RUSC2: variants seen among roughly 807,000 people sequenced by gnomAD.
RUSC2 encodes the protein AP-4 complex accessory subunit RUSC2.
In RUSC2, 34 loss-of-function variants were observed where a neutral mutation model predicts 122.2. The ratio of observed to expected loss-of-function variants is 0.28; its 90% CI spans 0.21 to 0.37. RUSC2 has a LOEUF of 0.37. RUSC2 is among the 10% of genes least tolerant of loss of function. RUSC2 has a pLI of 1.00. For missense variants in RUSC2, 1,747 were observed against 1,952.4 expected (o/e 0.89, Z 1.98); for synonymous variants, 784 against 790.0 (o/e 0.99, Z 0.13).
chr9:35,560,801 A>C lies in RUSC2; in HGVS notation c.4161A>C (p.Gly1387=). The C allele has an allele frequency of 6.5e-7, 1 of 1,529,442 alleles. No homozygotes were observed. Among genetic ancestry groups the C allele is most frequent in the South Asian group, 1.3e-5 (1 of 76,156 alleles). The allele number at this position is 1,529,442 out of a possible 1,614,324, so 94.7% of individuals were successfully genotyped here. ...CTTCACCTGGAGGCATCAAGTGGGG[A>C]CACCTCTTTGGCTCCCGAAAAGCCC... The part of the protein sequence containing the change: ...SEPSPGGIKW[G]HLFGSRKAQR... The change falls in exon 10 of 12, where the codon GGA becomes GGC. Residue 1387 remains glycine (G), a synonymous_variant. Coordinates refer to ENST00000361226, the MANE Select transcript of RUSC2 (RefSeq NM_014806.5).
At position 35,561,340 on chromosome 9, in the gene RUSC2, GACCCCAACTCCA is replaced by G. The variant is rs1297865925; in HGVS notation, c.4511_4522del (p.Thr1504_Pro1507del). ...TGGTGCCCCTGGCCTACGTGACATT[GACCCCAACTCCA>G]AGTCCAACCCCTGGAAGCAGCCAAA... On this transcript the variant is annotated inframe_deletion, in exon 12 of 12. Transcript: ENST00000361226. 3.1e-6 allele frequency: 5 copies of G among 1,614,026 alleles called. No homozygotes were observed. Among genetic ancestry groups the G allele is most frequent in the Non-Finnish European group, 4.2e-6 (5 of 1,179,974 alleles).
chr9:35,524,926 G>A (rs550574650), intron 1 of RUSC2, among the ~76,000 whole-genome samples: 10 of 150,628 alleles, frequency 6.6e-5, no homozygotes, highest in South Asian at 2.1e-4. Flanking sequence ...AGCCAAGATC[G>A]CACCACTGCA....
chr9:35,555,763 C>T lies in RUSC2; in HGVS notation c.2656+62C>T, dbSNP rs1212097628. 2.0e-6 allele frequency: 3 copies of T among 1,525,370 alleles called. No individual in the cohort carries two copies. Among genetic ancestry groups the T allele is most frequent in the Non-Finnish European group, 2.6e-6 (3 of 1,142,130 alleles). The allele number at this position is 1,525,370 out of a possible 1,614,324, so 94.5% of individuals were successfully genotyped here. On this transcript the variant is annotated intron_variant, in intron 3 of 11. Transcript: ENST00000361226. This position sits in a 1 kb window ranked among gnomAD's most constrained non-coding sequence, Gnocchi z 4.6. ...CTCACGCAAGCACTTCCACCACCTC[C>T]CCTTTGAGTGGTTGCTTACACTCTC... is the stretch of plus-strand genomic sequence containing the variant.
In RUSC2 at chr9:35,546,712, C is replaced by T; in HGVS notation, c.191C>T (p.Ser64Phe). Residue 64 changes from serine (S) to phenylalanine (F), a missense_variant, in exon 2 of 12, where the codon TCC becomes TTC. Transcript: ENST00000361226. The surrounding 1 kb of genome is among the most constrained non-coding windows in gnomAD (Gnocchi z 4.3). ...QPDQDLGQADSLLFSSLHSTP... is the reference protein window; with the variant it reads ...QPDQDLGQADFLLFSSLHSTP... ...GATCAAGACCTAGGACAAGCTGACT[C>T]CCTGCTATTCAGCAGCCTGCACTCT... The T allele has an allele frequency of 6.4e-7, 1 of 1,560,602 alleles. No individual in the cohort carries two copies.
chr9:35,509,160 TC>T (rs1229152152), intron 1 of RUSC2, among the ~76,000 whole-genome samples: 1 of 151,938 alleles, frequency 6.6e-6, no homozygotes, highest in African/African-American at 2.4e-5. Flanking sequence ...CCTCGTCTCT[TC>T]AAAAAAAAAT....
intron 1 of RUSC2, among the ~76,000 whole-genome samples, chr9:35,544,951 C>CA (rs2132548846): frequency 6.6e-6 from 1 of 152,308 alleles, no homozygotes; most frequent in African/African-American, 2.4e-5. Flanking sequence ...ATTAAACACA[C>CA]AAAGGCTTGG....
At chr9:35,528,437 C>T (rs903885879) in intron 1 of RUSC2, among the ~76,000 whole-genome samples, 1 of 150,024 alleles carries the variant, frequency 6.7e-6, no homozygotes, top group African/African-American at 2.5e-5. Context: ...TCATATTTTG[C>T]AGTGAAAGGG....
intron 1 of RUSC2, among the ~76,000 whole-genome samples, chr9:35,495,650 AGGATCCCTTAAGATTCCATAT>A (rs1477920633): frequency 1.3e-5 from 2 of 152,126 alleles, no homozygotes; most frequent in Admixed American, 6.6e-5. Context: ...TTGGTTGTTC[AGGATCCCTTAAGATTCCATAT>A]GAATTTTAGG....
intron 1 of RUSC2, among the ~76,000 whole-genome samples, chr9:35,513,023 C>A (rs747151778): frequency 6.6e-6 from 1 of 152,178 alleles, no homozygotes; most frequent in African/African-American, 2.4e-5. Context: ...GTTATAATGT[C>A]TGGCAGTGAG....
chr9:35,542,349 G>A (rs1035967181), intron 1 of RUSC2, among the ~76,000 whole-genome samples: 1 of 152,146 alleles, frequency 6.6e-6, no homozygotes, highest in Non-Finnish European at 1.5e-5. Context: ...TTTCTTTATG[G>A]TCTTAGGACA....
chr9:35,494,685 C>T lies in RUSC2; in HGVS notation c.-93+4513C>T, dbSNP rs146042301. ...TAAGAGTTTTTTAATACATTTTGGACATTAATCCATCTCAGATGTATGATT... is the reference window on the plus strand; with the variant it reads ...TAAGAGTTTTTTAATACATTTTGGATATTAATCCATCTCAGATGTATGATT... On this transcript the variant is annotated intron_variant, in intron 1 of 11. Coordinates refer to ENST00000361226, the MANE Select transcript of RUSC2 (RefSeq NM_014806.5). Among the ~76,000 whole-genome samples the T allele has an allele frequency of 1.9e-3, 283 of 151,770 alleles. 1 individual carries two copies. The highest frequency in any genetic ancestry group is 6.5e-3 in the African/African-American group (271 of 41,402).
chr9:35,547,523 T>G lies in RUSC2; in HGVS notation c.1002T>G (p.Ser334=), dbSNP rs764354028. The change falls in exon 2 of 12, where the codon TCT becomes TCG. Residue 334 remains serine, a synonymous_variant. Coordinates refer to ENST00000361226, the MANE Select transcript of RUSC2 (RefSeq NM_014806.5). The surrounding 1 kb of genome is among the most constrained non-coding windows in gnomAD (Gnocchi z 4.6). ...CCTCCCCATTTGAGTCTAAGATGTC[T>G]TATGAGTCCCATCACCCTGAAAGTG... ...LQPSPFESKM[S]YESHHPESGG... is the part of the protein sequence containing the mutation. 21 of 1,614,034 alleles carry G rather than the reference T, an allele frequency of 1.3e-5. No individual in the cohort carries two copies. The highest frequency in any genetic ancestry group is 1.8e-5 in the Non-Finnish European group (21 of 1,180,034).
intron 1 of RUSC2, among the ~76,000 whole-genome samples, chr9:35,511,119 T>C (rs1254534648): frequency 6.6e-6 from 1 of 152,198 alleles, no homozygotes; most frequent in Non-Finnish European, 1.5e-5. Context: ...CTGGGTCTTA[T>C]GTAACTTTAT....
chr9:35,539,471 C>G (rs767905493), intron 1 of RUSC2, among the ~76,000 whole-genome samples: 25 of 152,212 alleles, frequency 1.6e-4, no homozygotes, highest in Non-Finnish European at 3.2e-4. Flanking sequence ...GACACCCCTA[C>G]AGCTACTGTA....
chr9:35,546,730 T>A lies in RUSC2; in HGVS notation c.209T>A (p.Leu70Gln), dbSNP rs1821752879. The change falls in exon 2 of 12, where the codon CTG becomes CAG. Residue 70 changes from leucine to glutamine, a missense_variant. Leu to Gln is a moderately radical substitution (Grantham distance 113). Coordinates refer to ENST00000361226, the MANE Select transcript of RUSC2 (RefSeq NM_014806.5). The surrounding 1 kb of genome is among the most constrained non-coding windows in gnomAD (Gnocchi z 4.3). ...GCTGACTCCCTGCTATTCAGCAGCCTGCACTCTACTCCAGGAGGAACTGCA... is the reference window on the plus strand; with the variant it reads ...GCTGACTCCCTGCTATTCAGCAGCCAGCACTCTACTCCAGGAGGAACTGCA... ...GQADSLLFSS[L>Q]HSTPGGTARS... 6.4e-7 allele frequency: 1 copy of A among 1,572,470 alleles called. No homozygotes were observed. Among genetic ancestry groups the A allele is most frequent in the African/African-American group, 1.4e-5 (1 of 74,030 alleles).
Position 35,548,622 on chromosome 9 carries a change from C to A in RUSC2, c.2014+87C>A, listed in dbSNP as rs979734442. On this transcript the variant is annotated intron_variant, in intron 2 of 11. Coordinates refer to ENST00000361226, the MANE Select transcript of RUSC2 (RefSeq NM_014806.5). This position sits in a 1 kb window ranked among gnomAD's most constrained non-coding sequence, Gnocchi z 4.5. Reference sequence around the variant, plus strand: ...TCCCTGACAGGTCCCTGCCAGACCACCCCATCCATACCACTAGAGGTTCCA... The same window carrying A: ...TCCCTGACAGGTCCCTGCCAGACCAACCCATCCATACCACTAGAGGTTCCA... 96 of 1,458,800 alleles carry A rather than the reference C, an allele frequency of 6.6e-5. No individual in the cohort carries two copies. Among genetic ancestry groups the A allele is most frequent in the Non-Finnish European group, 8.3e-5 (92 of 1,111,392 alleles). 90.4% of individuals were successfully genotyped at this position (1,458,800 alleles called of 1,614,324 possible).
chr9:35,501,291 T>C (rs1820813135), intron 1 of RUSC2, among the ~76,000 whole-genome samples: 1 of 152,154 alleles, frequency 6.6e-6, no homozygotes, highest in Non-Finnish European at 1.5e-5. Context: ...AAGTCACTGA[T>C]ACAGGCCGGG....
intron 1 of RUSC2, among the ~76,000 whole-genome samples, chr9:35,541,590 G>A (rs1241264782): frequency 2.0e-5 from 3 of 151,986 alleles, no homozygotes; most frequent in Non-Finnish European, 4.4e-5. Flanking sequence ...GGGATTACAG[G>A]AGCGTGCCAC....
At chr9:35,543,819 T>C (rs574435177) in intron 1 of RUSC2, among the ~76,000 whole-genome samples, 2 of 152,338 alleles carry the variant, frequency 1.3e-5, no homozygotes, top group African/African-American at 4.8e-5. Context: ...GGACATTTCA[T>C]ATAAATGGAA....
Sources: gnomAD v4.1 joint callset for allele counts (sites outside exome capture counted in the v4.1 genomes callset) on GRCh38, gnomAD v4.1.1 for gene constraint, Gnocchi (gnomAD v3.1) non-coding constraint, MANE v1.5 for transcripts, NCBI Gene and HGNC (gene_info 2026-07-23, HGNC 2026-07-21) for gene names.